GPC6: variants seen among roughly 807,000 people sequenced by gnomAD.
GPC6 encodes glypican-6.
In GPC6, 14 loss-of-function variants were observed where a neutral mutation model predicts 55.2. The observed-to-expected ratio is 0.25, with a 90% CI of 0.17 to 0.40. GPC6 has a LOEUF of 0.40. Among genes scored for constraint, GPC6 ranks in the 10% least tolerant of loss-of-function variants. GPC6 has a pLI of 1.00. For synonymous variants in GPC6, 278 were observed against 259.6 expected (o/e 1.07, Z -0.68); for missense variants, 641 against 708.5 (o/e 0.90, Z 1.08).
intron 6 of GPC6, among the ~76,000 whole-genome samples, chr13:94,317,230 C>T (rs940941023): frequency 6.6e-6 from 1 of 152,198 alleles, no homozygotes; most frequent in African/African-American, 2.4e-5. Flanking sequence ...ATTATTTATG[C>T]ATGATGAGGC....
intron 3 of GPC6, among the ~76,000 whole-genome samples, chr13:93,860,762 T>C (rs561988688): frequency 1.3e-5 from 2 of 151,736 alleles, no homozygotes; most frequent in Non-Finnish European, 3.0e-5. Context: ...CTCTTGATCC[T>C]TAACTATCTT....
At chr13:93,357,467 A>G (rs953692158) in intron 1 of GPC6, among the ~76,000 whole-genome samples, 26 of 152,174 alleles carry the variant, frequency 1.7e-4, no homozygotes, top group Admixed American at 1.4e-3. Flanking sequence ...AATTTGTTTA[A>G]TGCTTGACTC....
intron 3 of GPC6, among the ~76,000 whole-genome samples, chr13:93,915,197 T>C (rs1268430276): frequency 6.6e-6 from 1 of 152,208 alleles, no homozygotes; most frequent in Non-Finnish European, 1.5e-5. Flanking sequence ...GACCTTCAGA[T>C]CTTATGTCAC....
intron 1 of GPC6, among the ~76,000 whole-genome samples, chr13:93,376,900 AT>A (rs1229927783): frequency 6.6e-6 from 1 of 152,126 alleles, no homozygotes. Context: ...TCATTCGTGA[AT>A]GCTTATATTA....
intron 3 of GPC6, among the ~76,000 whole-genome samples, chr13:94,020,928 C>T (rs1434363319): frequency 6.6e-6 from 1 of 152,020 alleles, no homozygotes; most frequent in African/African-American, 2.4e-5. Context: ...ACAAAAGATA[C>T]TTTACATGTA....
At chr13:93,640,150 T>G (rs1297108552) in intron 2 of GPC6, among the ~76,000 whole-genome samples, 1 of 152,126 alleles carries the variant, frequency 6.6e-6, no homozygotes, top group East Asian at 1.9e-4. Flanking sequence ...ATTTTAGGGA[T>G]TTTTAGACAT....
chr13:93,679,581 C>T (rs568563961), intron 2 of GPC6, among the ~76,000 whole-genome samples: 1 of 152,242 alleles, frequency 6.6e-6, no homozygotes, highest in East Asian at 1.9e-4. Flanking sequence ...GGTACCTAAA[C>T]TGGAACAAAT....
intron 1 of GPC6, among the ~76,000 whole-genome samples, chr13:93,414,150 G>T (rs146325998): frequency 1.1e-4 from 17 of 152,178 alleles, no homozygotes; most frequent in Middle Eastern, 3.4e-3. Flanking sequence ...CCTTTGAGTG[G>T]TTGCTTGGTT....
intron 4 of GPC6, among the ~76,000 whole-genome samples, chr13:94,035,906 T>C (rs1006355080): frequency 6.6e-6 from 1 of 152,028 alleles, no homozygotes; most frequent in Non-Finnish European, 1.5e-5. Flanking sequence ...ATTTTTGAAA[T>C]GAGTTTTCTT....
intron 2 of GPC6, among the ~76,000 whole-genome samples, chr13:93,656,789 A>G (rs1399818886): frequency 6.6e-6 from 1 of 152,138 alleles, no homozygotes; most frequent in African/African-American, 2.4e-5. Context: ...AAAAATCACT[A>G]GCATTTCTAT....
At chr13:94,277,856 A>G (rs1037014592) in intron 4 of GPC6, among the ~76,000 whole-genome samples, 10 of 152,180 alleles carry the variant, frequency 6.6e-5, no homozygotes, top group African/African-American at 2.4e-4. Flanking sequence ...GTTTGAACTC[A>G]GGTAGCATGA....
At chr13:93,367,040 T>G (rs1392499249) in intron 1 of GPC6, among the ~76,000 whole-genome samples, 1 of 152,082 alleles carries the variant, frequency 6.6e-6, no homozygotes, top group African/African-American at 2.4e-5. Context: ...TCGCAACACA[T>G]GCAAAGCTCA....
intron 2 of GPC6, among the ~76,000 whole-genome samples, chr13:93,580,946 G>C (rs1555313305): frequency 6.6e-6 from 1 of 151,508 alleles, no homozygotes; most frequent in Non-Finnish European, 1.5e-5. Context: ...ATATAAAAGT[G>C]TTTTTTTTAA....
At chr13:94,144,404 A>AACACACACACAC (rs59772537) in intron 4 of GPC6, among the ~76,000 whole-genome samples, 90 of 143,432 alleles carry the variant, frequency 6.3e-4, no homozygotes, top group South Asian at 1.9e-3. Flanking sequence ...GTGCTTTTAA[A>AACACACACACAC]ACACACACAC....
intron 1 of GPC6, among the ~76,000 whole-genome samples, chr13:93,347,906 G>T (rs565624715): frequency 6.6e-6 from 1 of 152,134 alleles, no homozygotes; most frequent in South Asian, 2.1e-4. Flanking sequence ...CAAAAGCAAA[G>T]TCCCAGGAGT....
chr13:93,982,841 T>TGCA (rs1880866539), intron 3 of GPC6, among the ~76,000 whole-genome samples: 1 of 152,194 alleles, frequency 6.6e-6, no homozygotes, highest in Non-Finnish European at 1.5e-5. Context: ...AGGGTCAGAC[T>TGCA]GCAGCTCTAC....
rs554990522 is a variant in GPC6, at chr13:93,320,311, C to T, written c.160+92695C>T. On this transcript the variant is annotated intron_variant, in intron 1 of 8. Coordinates refer to ENST00000377047, the MANE Select transcript of GPC6 (RefSeq NM_005708.5). Reference sequence around the variant, plus strand: ...GCAGTTATTAAGGAGTAATAAATTACCAAGTATATTCTTTTAACTACATTT... The same window carrying T: ...GCAGTTATTAAGGAGTAATAAATTATCAAGTATATTCTTTTAACTACATTT... Among the ~76,000 whole-genome samples the T allele has an allele frequency of 1.2e-3, 184 of 151,988 alleles. 1 individual carries two copies. Among genetic ancestry groups the T allele is most frequent in the Admixed American group, 2.1e-3 (32 of 15,264 alleles).
intron 6 of GPC6, among the ~76,000 whole-genome samples, chr13:94,314,654 A>G (rs1876427382): frequency 6.6e-6 from 1 of 152,180 alleles, no homozygotes; most frequent in African/African-American, 2.4e-5. Context: ...AGATTAAAGA[A>G]CCTTTTCCTT....
chr13:94,387,140 A>G (rs1736808403), intron 7 of GPC6, among the ~76,000 whole-genome samples: 1 of 152,116 alleles, frequency 6.6e-6, no homozygotes, highest in South Asian at 2.1e-4. Flanking sequence ...TGCAGTGTTG[A>G]GACTGTGGTT....
Sources: allele counts gnomAD v4.1 joint callset (sites outside exome capture counted in the v4.1 genomes callset), GRCh38; gene constraint gnomAD v4.1.1; transcripts MANE v1.5; gene names NCBI Gene and HGNC (gene_info 2026-07-23, HGNC 2026-07-21).